The following MAML2 variants were observed in gnomAD, a reference collection of about 807,000 sequenced individuals.
MAML2 encodes mastermind like transcriptional coactivator 2.
Under a neutral mutation model 96.1 loss-of-function variants are expected in MAML2, and 22 were observed. That is an observed-to-expected ratio of 0.23 (90% CI 0.16 to 0.33). The LOEUF is 0.33. Among genes scored for constraint, MAML2 ranks in the 10% least tolerant of loss-of-function variants. MAML2 has a pLI of 1.00. For synonymous variants in MAML2, 561 were observed against 521.3 expected (o/e 1.08, Z -1.04); for missense variants, 1,367 against 1,392.4 (o/e 0.98, Z 0.29).
At position 96,123,303 on chromosome 11, in the gene MAML2, C is replaced by CTT. The variant is rs112366508; in HGVS notation, c.514-29788_514-29787dup. Among the ~76,000 whole-genome samples the CTT allele has an allele frequency of 3.5e-4, 52 of 147,520 alleles. No homozygotes were observed. In the East Asian group the frequency reaches 5.0e-3, roughly 14 times the overall value. On this transcript the variant is annotated intron_variant, in intron 1 of 4. Transcript: ENST00000524717. ...GGTGTGCTTGAGAGACATTTACAGTCTTTTTTTTTTTTCACGTATCTGCCT... is the reference window on the plus strand; with the variant it reads ...GGTGTGCTTGAGAGACATTTACAGTCTTTTTTTTTTTTTTCACGTATCTGCCT...
chr11:96,328,830 GA>G (rs1460184760), intron 1 of MAML2, among the ~76,000 whole-genome samples: 1 of 152,024 alleles, frequency 6.6e-6, no homozygotes, highest in East Asian at 1.9e-4. Flanking sequence ...TTAGCGATAA[GA>G]AAAAAAGAGG....
At chr11:96,138,443 G>T (rs1198858707) in intron 1 of MAML2, among the ~76,000 whole-genome samples, 1 of 152,130 alleles carries the variant, frequency 6.6e-6, no homozygotes, top group Non-Finnish European at 1.5e-5. Flanking sequence ...GAGCAAAATG[G>T]CTGCCTCTTA....
chr11:96,194,644 T>A (rs544191847), intron 1 of MAML2, among the ~76,000 whole-genome samples: 99 of 152,330 alleles, frequency 6.5e-4, no homozygotes, highest in African/African-American at 2.2e-3. Context: ...CTTCTTTTGT[T>A]CACAGGAGCT....
rs114019500 is a variant in MAML2 at position 96,293,734 on chromosome 11, G to C, written c.513+47649C>G. 2.3e-3 allele frequency among the ~76,000 whole-genome samples: 344 copies of C among 152,252 alleles called. 3 individuals carry two copies. Among genetic ancestry groups the C allele is most frequent in the African/African-American group, 7.6e-3 (314 of 41,542 alleles). Reference sequence around the variant, plus strand: ...GATACTATGCCATTTTCATGTGGTAGCCCAATCTGAGGAAGTTAAAGTGAA... The same window carrying C: ...GATACTATGCCATTTTCATGTGGTACCCCAATCTGAGGAAGTTAAAGTGAA... On this transcript the variant is annotated intron_variant, in intron 1 of 4. Coordinates refer to ENST00000524717, the MANE Select transcript of MAML2 (RefSeq NM_032427.4).
At chr11:96,293,527 A>G (rs1863245483) in intron 1 of MAML2, among the ~76,000 whole-genome samples, 1 of 152,204 alleles carries the variant, frequency 6.6e-6, no homozygotes, top group Non-Finnish European at 1.5e-5. Context: ...AAAAATACCA[A>G]ATACTTTACT....
chr11:96,081,580 A>T (rs1030167199), intron 2 of MAML2, among the ~76,000 whole-genome samples: 1 of 152,242 alleles, frequency 6.6e-6, no homozygotes, highest in East Asian at 1.9e-4. Context: ...ACTCAGAGTT[A>T]AATGAGGGCT....
intron 2 of MAML2, among the ~76,000 whole-genome samples, chr11:95,999,270 G>A (rs1858044209): frequency 1.3e-5 from 2 of 152,224 alleles, no homozygotes; most frequent in South Asian, 2.1e-4. Context: ...TTGATAAAGT[G>A]TCTCTGTAAA....
intron 1 of MAML2, among the ~76,000 whole-genome samples, chr11:96,214,339 G>C (rs525068): frequency 2.0e-5 from 3 of 152,146 alleles, no homozygotes; most frequent in Admixed American, 1.3e-4. Flanking sequence ...CGTCCTCTTA[G>C]AGCTCTGTAG....
chr11:96,297,154 G>A (rs1182617812), intron 1 of MAML2, among the ~76,000 whole-genome samples: 4 of 152,154 alleles, frequency 2.6e-5, no homozygotes, highest in African/African-American at 9.7e-5. Context: ...ATGATGGGGA[G>A]ACAGAGGAAA....
chr11:96,239,831 C>T (rs998051812), intron 1 of MAML2, among the ~76,000 whole-genome samples: 2 of 152,192 alleles, frequency 1.3e-5, no homozygotes, highest in Non-Finnish European at 2.9e-5. Flanking sequence ...GTATTCTTCA[C>T]CCCCTGACCC....
intron 1 of MAML2, among the ~76,000 whole-genome samples, chr11:96,166,425 AT>A (rs1401977769): frequency 1.3e-5 from 2 of 152,104 alleles, no homozygotes; most frequent in Non-Finnish European, 1.5e-5. Flanking sequence ...TTGTTTCCTT[AT>A]TTTCTTGTTT....
intron 1 of MAML2, among the ~76,000 whole-genome samples, chr11:96,109,866 G>A (rs12289484): frequency 0.31 from 46,519 of 152,014 alleles, 7,680 homozygotes; most frequent in Middle Eastern, 0.47. Flanking sequence ...GGGTTGAAAT[G>A]CACATAAGCA....
At chr11:96,027,182 C>T (rs900066071) in intron 2 of MAML2, among the ~76,000 whole-genome samples, 4 of 152,152 alleles carry the variant, frequency 2.6e-5, no homozygotes, top group African/African-American at 9.7e-5. Flanking sequence ...TTTGAACAAA[C>T]CTTACATTTT....
chr11:96,105,268 C>G (rs1860004005), intron 1 of MAML2, among the ~76,000 whole-genome samples: 1 of 152,166 alleles, frequency 6.6e-6, no homozygotes, highest in South Asian at 2.1e-4. Flanking sequence ...CAGCAGAATT[C>G]CAACAGCATG....
intron 2 of MAML2, among the ~76,000 whole-genome samples, chr11:96,035,557 A>T (rs1446604374): frequency 6.6e-6 from 1 of 152,194 alleles, no homozygotes. Flanking sequence ...GGCTGAAATC[A>T]CTGGGCAACA....
intron 2 of MAML2, among the ~76,000 whole-genome samples, chr11:96,024,418 C>T (rs529105699): frequency 2.5e-4 from 38 of 152,228 alleles, no homozygotes; most frequent in Non-Finnish European, 5.1e-4. Flanking sequence ...CATATGAAGA[C>T]TGTTGGAAAT....
chr11:96,184,791 G>A (rs867808902), intron 1 of MAML2, among the ~76,000 whole-genome samples: 19 of 151,976 alleles, frequency 1.3e-4, no homozygotes, highest in African/African-American at 4.1e-4. Flanking sequence ...GGGTTTCACC[G>A]TGTTAGCCAG....
chr11:96,089,416 C>T (rs1206422896), intron 2 of MAML2, among the ~76,000 whole-genome samples: 1 of 152,194 alleles, frequency 6.6e-6, no homozygotes, highest in African/African-American at 2.4e-5. Context: ...GCAGCCTTGT[C>T]ACATCATAGT....
Position 96,341,360 on chromosome 11 carries a change from C to A in MAML2, c.513+23G>T, listed in dbSNP as rs1394868002. ...AAAGGTCACAGGACCACAGCCAGAA[C>A]CATGAGAAAGCCAGGTGCTTACCGC... is the stretch of plus-strand genomic sequence containing the variant. On this transcript the variant is annotated intron_variant, in intron 1 of 4. Transcript: ENST00000524717. The A allele has an allele frequency of 2.7e-6, 4 of 1,499,124 alleles. No individual in the cohort carries two copies. In the Admixed American group the frequency reaches 8.5e-5, roughly 32 times the overall value. The allele number at this position is 1,499,124 out of a possible 1,614,324, so 92.9% of individuals were successfully genotyped here.
Sources: allele counts gnomAD v4.1 joint callset (sites outside exome capture counted in the v4.1 genomes callset), GRCh38; gene constraint gnomAD v4.1.1; transcripts MANE v1.5; gene names NCBI Gene and HGNC (gene_info 2026-07-23, HGNC 2026-07-21).